Variants in SLC16A14 observed in about 807,000 individuals in gnomAD.
The protein encoded by SLC16A14 is monocarboxylate transporter 14.
SLC16A14 carries 14 observed loss-of-function variants against 35.8 expected under a neutral mutation model. The observed-to-expected ratio is 0.39, with a 90% confidence interval of 0.26 to 0.61. SLC16A14 has a LOEUF of 0.61. Among genes scored for constraint, SLC16A14 ranks in the 20% least tolerant of loss-of-function variants. SLC16A14 has a pLI of 0.51. For missense variants in SLC16A14, 533 were observed against 655.0 expected, an observed-to-expected ratio of 0.81 and a Z score of 2.03; for synonymous variants, 248 against 258.9, an observed-to-expected ratio of 0.96 and a Z score of 0.40.
intron 3 of SLC16A14, 25 bp downstream of exon 3, chr2:230,049,736 A>T: frequency 6.2e-7 from 1 of 1,607,156 alleles, no homozygotes; most frequent in South Asian, 1.1e-5. Flanking sequence ...TTTAAAATCG[A>T]GTTTAAAAAA....
At chr2:230,052,930 TTC>T (rs71896649) in intron 2 of SLC16A14, among the ~76,000 whole-genome samples, 1 of 151,292 alleles carries the variant, frequency 6.6e-6, no homozygotes, top group African/African-American at 2.4e-5. Context: ...TTCCCTTTCT[TTC>T]TCTCTCTCTT....
intron 4 of SLC16A14, 68 bp downstream of exon 4, chr2:230,045,677 T>C (rs890369497): frequency 1.3e-6 from 2 of 1,549,682 alleles, no homozygotes; most frequent in Non-Finnish European, 8.8e-7. Flanking sequence ...CTTCTTTATC[T>C]GGGACTTTAT....
rs763264520 is a variant in SLC16A14 at position 230,035,910 on chromosome 2, C to T, written c.*1470G>A. On this transcript the variant is annotated 3_prime_UTR_variant, in exon 5 of 5. Coordinates refer to ENST00000295190, the MANE Select transcript of SLC16A14 (RefSeq NM_152527.5). ...CTCAGAAGGGCATGGTTGAGTATAACTGAAACTGCTGGCTAAAATTACGCT... is the reference window on the plus strand; with the variant it reads ...CTCAGAAGGGCATGGTTGAGTATAATTGAAACTGCTGGCTAAAATTACGCT... 2 of 152,596 alleles carry T rather than the reference C, an allele frequency of 1.3e-5. No individual in the cohort carries two copies. The highest frequency in any genetic ancestry group is 1.5e-5 in the Non-Finnish European group (1 of 68,042). 9.5% of individuals were successfully genotyped at this position (152,596 alleles called of 1,614,324 possible).
rs773816369 is a variant in SLC16A14, at chr2:230,059,312, T to C, written c.41A>G (p.Asp14Gly). 2 of 1,610,646 alleles carry C rather than the reference T, an allele frequency of 1.2e-6. No homozygotes were observed. Among genetic ancestry groups the C allele is most frequent in the Non-Finnish European group, 1.7e-6 (2 of 1,177,556 alleles). The change falls in exon 2 of 5, where the codon GAT becomes GGT. Residue 14 changes from aspartate to glycine, a missense_variant. Transcript: ENST00000295190. Reference protein sequence around the residue: ...SHEDIGYDFEDGPKDKKTLKP... With the variant: ...SHEDIGYDFEGGPKDKKTLKP... ...CAGTGTCTTTTTGTCTTTGGGGCCATCTTCAAAATCATACCCAATATCTTC... is the reference window on the plus strand; with the variant it reads ...CAGTGTCTTTTTGTCTTTGGGGCCACCTTCAAAATCATACCCAATATCTTC...
In SLC16A14 at chr2:230,049,856, G is replaced by T. The variant is rs368158243; in HGVS notation, c.308C>A (p.Ala103Glu). Residue 103 changes from alanine to glutamate, a missense_variant, in exon 3 of 5, where the codon GCG becomes GAG. Physicochemically the swap from Ala to Glu is moderately radical, Grantham distance 107 (BLOSUM62 -1). Coordinates refer to ENST00000295190, the MANE Select transcript of SLC16A14 (RefSeq NM_152527.5). Reference protein sequence around the residue: ...FINTCGCRQTAIIGGLVNSLG... With the variant: ...FINTCGCRQTEIIGGLVNSLG... The stretch of plus-strand genomic sequence containing the variant: ...GGAGTTGACGAGCCCTCCAATGATC[G>T]CAGTCTGGCGGCACCCACAGGTGTT... The T allele has an allele frequency of 1.4e-5, 22 of 1,614,002 alleles. No homozygotes were observed. Among genetic ancestry groups the T allele is most frequent in the Non-Finnish European group, 1.8e-5 (21 of 1,180,006 alleles).
chr2:230,050,029 C>T, intron 2 of SLC16A14, 125 bp from the exon 3 acceptor site: 1 of 1,132,774 alleles, frequency 8.8e-7, no homozygotes, highest in African/African-American at 1.6e-5. Context: ...AAAAAGCCCC[C>T]ATTGCTTTAT....
At position 230,036,380 on chromosome 2, in the gene SLC16A14, A is replaced by T. The variant is rs1016998551; in HGVS notation, c.*1000T>A. On this transcript the variant is annotated 3_prime_UTR_variant, in exon 5 of 5. Transcript: ENST00000295190. Reference sequence around the variant, plus strand: ...TTTGTTATCACTACTCCAGTGTCAGATGTGGCACAGACATCTACACTAATG... The same window carrying T: ...TTTGTTATCACTACTCCAGTGTCAGTTGTGGCACAGACATCTACACTAATG... 4 of 150,898 alleles carry T rather than the reference A, an allele frequency of 2.7e-5. No individual in the cohort carries two copies. The highest frequency in any genetic ancestry group is 9.8e-5 in the African/African-American group (4 of 41,008). The allele number at this position is 150,898 out of a possible 1,614,324, so 9.3% of individuals were successfully genotyped here.
Position 230,046,316 on chromosome 2 carries a change from C to T in SLC16A14, c.810G>A (p.Gln270=). 2 of 1,614,160 alleles carry T rather than the reference C, an allele frequency of 1.2e-6. No individual in the cohort carries two copies. Among genetic ancestry groups the T allele is most frequent in the Non-Finnish European group, 1.7e-6 (2 of 1,180,016 alleles). ...CACACATGTTCTTCCTGTGCCCGGC[C>T]TGATCGGGGCACTCCTGGGCTTGCA... The part of the protein sequence containing the change: ...CDLQAQECPD[Q]AGHRKNMCAL... Residue 270 remains glutamine, a synonymous_variant, in exon 4 of 5, where the codon CAG becomes CAA. Transcript: ENST00000295190. This position sits in a 1 kb window ranked among gnomAD's most constrained non-coding sequence, Gnocchi z 5.0.
At chr2:230,061,457 G>A (rs1308227853) in intron 1 of SLC16A14, among the ~76,000 whole-genome samples, 1 of 152,126 alleles carries the variant, frequency 6.6e-6, no homozygotes, top group Non-Finnish European at 1.5e-5. Flanking sequence ...AGAATTGTTG[G>A]CAAAACAATA....
intron 1 of SLC16A14, among the ~76,000 whole-genome samples, chr2:230,065,803 TATAAGA>T (rs1267831339): frequency 6.6e-6 from 1 of 151,950 alleles, no homozygotes; most frequent in Non-Finnish European, 1.5e-5. Context: ...TTATATAAGA[TATAAGA>T]ATAATTTTAG....
rs543206058 is a variant in SLC16A14 at position 230,065,545 on chromosome 2, A to G, written c.-15+3010T>C. ...GCTGGGATTACAGGCGTGAGCCAGCATGCCTGGCCCAAAAAGTTCTTTTGG... is the reference window on the plus strand; with the variant it reads ...GCTGGGATTACAGGCGTGAGCCAGCGTGCCTGGCCCAAAAAGTTCTTTTGG... On this transcript the variant is annotated intron_variant, in intron 1 of 4. Transcript: ENST00000295190. Among the ~76,000 whole-genome samples the G allele has an allele frequency of 1.8e-3, 270 of 152,260 alleles. 2 individuals are homozygous for G. Among genetic ancestry groups the G allele is most frequent in the African/African-American group, 6.3e-3 (260 of 41,568 alleles).
At chr2:230,043,773 A>G (rs930430479) in intron 4 of SLC16A14, among the ~76,000 whole-genome samples, 1 of 152,170 alleles carries the variant, frequency 6.6e-6, no homozygotes, top group Non-Finnish European at 1.5e-5. Context: ...CAGAAGACAG[A>G]CCTCGTTATC....
Position 230,060,691 on chromosome 2 carries a change from GGA to G in SLC16A14, c.-14-1327_-14-1326del, listed in dbSNP as rs202022385. Among the ~76,000 whole-genome samples the G allele has an allele frequency of 4.1e-3, 625 of 151,098 alleles. 3 individuals carry two copies. The highest frequency in any genetic ancestry group is 0.017 in the Middle Eastern group (5 of 292). On this transcript the variant is annotated intron_variant, in intron 1 of 4. Coordinates refer to ENST00000295190, the MANE Select transcript of SLC16A14 (RefSeq NM_152527.5). ...TCATTTTTCATGGTTTTTTTTGGGG[GGA>G]GGGGATGAGAATTAAGTGTGTGTAT...
chr2:230,049,360 G>A lies in SLC16A14; in HGVS notation c.403+401C>T, dbSNP rs147420947. ...CTTCCAAAGTGTTGGGATTACAGGC[G>A]TGAGCTACTGCCCCTGGCCTATTAT... On this transcript the variant is annotated intron_variant, in intron 3 of 4. Coordinates refer to ENST00000295190, the MANE Select transcript of SLC16A14 (RefSeq NM_152527.5). Among the ~76,000 whole-genome samples the A allele has an allele frequency of 2.0e-3, 306 of 152,014 alleles. 2 individuals carry two copies. Among genetic ancestry groups the A allele is most frequent in the Middle Eastern group, 6.8e-3 (2 of 294 alleles).
At chr2:230,056,947 G>A (rs1019543556) in intron 2 of SLC16A14, among the ~76,000 whole-genome samples, 3 of 150,082 alleles carry the variant, frequency 2.0e-5, no homozygotes, top group Admixed American at 6.7e-5. Flanking sequence ...AATTGCATTC[G>A]AGCAATTAAT....
chr2:230,061,744 T>TC (rs374463638), intron 1 of SLC16A14, among the ~76,000 whole-genome samples: 1,305 of 72,588 alleles, frequency 0.018, 21 homozygotes, highest in African/African-American at 0.078. Flanking sequence ...GAACAATATC[T>TC]TTTTTTTTTT....
chr2:230,066,544 C>A, intron 1 of SLC16A14: 1 of 372,004 alleles, frequency 2.7e-6, no homozygotes, highest in African/African-American at 2.2e-5. Context: ...TGATAATAGG[C>A]AGAAATGAAA....
intron 2 of SLC16A14, among the ~76,000 whole-genome samples, chr2:230,052,152 G>A (rs1448406797): frequency 6.6e-6 from 1 of 152,002 alleles, no homozygotes; most frequent in East Asian, 1.9e-4. Flanking sequence ...AGCCAGGATG[G>A]TCTCGATCTC....
chr2:230,060,281 C>G (rs781171565), intron 1 of SLC16A14, among the ~76,000 whole-genome samples: 22 of 152,106 alleles, frequency 1.4e-4, no homozygotes, highest in Non-Finnish European at 2.9e-4. Flanking sequence ...ATAGATCTAT[C>G]TCTCAAGATG....
Sources: gnomAD v4.1 joint callset for allele counts (sites outside exome capture counted in the v4.1 genomes callset) on GRCh38, gnomAD v4.1.1 for gene constraint, Gnocchi (gnomAD v3.1) non-coding constraint, MANE v1.5 for transcripts, NCBI Gene and HGNC (gene_info 2026-07-23, HGNC 2026-07-21) for gene names.